COL23A1: variants seen among roughly 807,000 people sequenced by gnomAD.
COL23A1 encodes the protein collagen alpha-1(XXIII) chain.
In COL23A1, 97 loss-of-function variants were observed where a neutral mutation model predicts 99.3. That is an observed-to-expected ratio of 0.98 (90% CI 0.83 to 1.16). COL23A1 has a LOEUF of 1.16. Among genes scored for constraint, COL23A1 ranks in the 50% most tolerant of loss-of-function variants. The probability of loss-of-function intolerance (pLI) is 0.00; values close to 1 mark genes in which losing one functional copy is unlikely to be tolerated. For synonymous variants in COL23A1, 320 were observed against 308.2 expected, an observed-to-expected ratio of 1.04 and a Z score of -0.40; for missense variants, 762 against 757.4, an observed-to-expected ratio of 1.01 and a Z score of -0.07.
chr5:178,297,129 C>T (rs565567582), intron 3 of COL23A1, among the ~76,000 whole-genome samples: 1 of 152,376 alleles, frequency 6.6e-6, no homozygotes, highest in South Asian at 2.1e-4. Flanking sequence ...CTCCCTTCAG[C>T]CTTAGACATT....
At chr5:178,513,597 C>T (rs1759336355) in intron 2 of COL23A1, among the ~76,000 whole-genome samples, 1 of 152,100 alleles carries the variant, frequency 6.6e-6, no homozygotes, top group African/African-American at 2.4e-5. Flanking sequence ...AAAGTCAGTT[C>T]CTGTGGGTGT....
chr5:178,314,839 C>T (rs192386691), intron 2 of COL23A1, among the ~76,000 whole-genome samples: 76 of 152,194 alleles, frequency 5.0e-4, no homozygotes, highest in Non-Finnish European at 6.8e-4. Flanking sequence ...CGCTGGTAGC[C>T]GGTAGAGTCA....
At chr5:178,349,756 G>A (rs1483434283) in intron 2 of COL23A1, among the ~76,000 whole-genome samples, 1 of 152,186 alleles carries the variant, frequency 6.6e-6, no homozygotes, top group Non-Finnish European at 1.5e-5. Flanking sequence ...CCCTCACCTG[G>A]GCCCCAGGCT....
chr5:178,582,255 A>AGCC lies in COL23A1; in HGVS notation c.294+7646_294+7648dup, dbSNP rs376462312. On this transcript the variant is annotated intron_variant, in intron 1 of 28. Transcript: ENST00000390654. The stretch of plus-strand genomic sequence containing the variant: ...AAAGGAAGGGAGAGAAGGATGGGCA[A>AGCC]GCCATTATGCCATTTCCCGACCTGA... Among the ~76,000 whole-genome samples the AGCC allele has an allele frequency of 6.4e-3, 967 of 150,794 alleles. 12 individuals carry two copies. Among genetic ancestry groups the AGCC allele is most frequent in the African/African-American group, 0.022 (902 of 40,828 alleles).
intron 2 of COL23A1, among the ~76,000 whole-genome samples, chr5:178,512,725 CAA>C (rs928527913): frequency 3.8e-4 from 58 of 152,260 alleles, no homozygotes; most frequent in African/African-American, 1.4e-3. Flanking sequence ...TCTGCAACTG[CAA>C]AAAGAGACAT....
At chr5:178,487,947 TAAGAA>T in intron 2 of COL23A1, among the ~76,000 whole-genome samples, 1 of 152,332 alleles carries the variant, frequency 6.6e-6, no homozygotes, top group East Asian at 1.9e-4. Flanking sequence ...GGCTGGGGGT[TAAGAA>T]CAAATAAGAC....
chr5:178,257,026 T>TGG, intron 13 of COL23A1, 98 bp from the exon 14 acceptor site: 1 of 1,048,230 alleles, frequency 9.5e-7, no homozygotes, highest in Non-Finnish European at 1.4e-6. Flanking sequence ...AGCCTCGCGA[T>TGG]TAGGCCTCCT....
In COL23A1 at chr5:178,255,055, A is replaced by AG. The variant is rs1765232140; in HGVS notation, c.883-30dup. ...AGGCAGGAAGAAGAGTAAGAATTTC[A>AG]GGGAAGAGCTACACTGAGTTGGAGG... On this transcript the variant is annotated intron_variant, in intron 15 of 28. Transcript: ENST00000390654. The surrounding 1 kb of genome is among the most constrained non-coding windows in gnomAD (Gnocchi z 4.2). The AG allele has an allele frequency of 6.3e-6, 10 of 1,581,802 alleles. No individual in the cohort carries two copies. The highest frequency in any genetic ancestry group is 6.1e-6 in the Non-Finnish European group (7 of 1,151,244).
intron 2 of COL23A1, among the ~76,000 whole-genome samples, chr5:178,314,635 G>A (rs573871708): frequency 1.3e-5 from 2 of 152,296 alleles, no homozygotes; most frequent in South Asian, 4.1e-4. Flanking sequence ...GCCTGCAACA[G>A]TGTTTAATAA....
At chr5:178,400,440 G>A (rs190992269) in intron 2 of COL23A1, among the ~76,000 whole-genome samples, 1 of 121,914 alleles carries the variant, frequency 8.2e-6, no homozygotes, top group South Asian at 3.0e-4. Context: ...TTTGTGTTTT[G>A]ACAATCGAGA....
intron 1 of COL23A1, among the ~76,000 whole-genome samples, chr5:178,565,834 C>T (rs573436593): frequency 3.0e-4 from 46 of 151,952 alleles, no homozygotes; most frequent in Non-Finnish European, 3.2e-4. Flanking sequence ...CTATCAGGGC[C>T]GGGCGCGGTG....
rs1761471451 is a variant in COL23A1 at position 178,544,462 on chromosome 5, C to T, written c.361+16220G>A. Among the ~76,000 whole-genome samples, 2 of 152,168 alleles carry T rather than the reference C, an allele frequency of 1.3e-5. No individual in the cohort carries two copies. Among genetic ancestry groups the T allele is most frequent in the Admixed American group, 1.3e-4 (2 of 15,286 alleles). ...CTGCCATGGCGGTGGGGAGCAGTCT[C>T]CCTCAGATGGGGTCCCCTGTTCTCT... On this transcript the variant is annotated intron_variant, in intron 2 of 28. Transcript: ENST00000390654. The surrounding 1 kb of genome is among the most constrained non-coding windows in gnomAD (Gnocchi z 4.4).
intron 2 of COL23A1, among the ~76,000 whole-genome samples, chr5:178,347,060 GGGTCT>G (rs1420426342): frequency 6.6e-6 from 1 of 152,168 alleles, no homozygotes. Context: ...AGGCCCAGCA[GGGTCT>G]GGTGGCCCTG....
chr5:178,328,668 G>A (rs952141079), intron 2 of COL23A1, among the ~76,000 whole-genome samples: 2 of 152,122 alleles, frequency 1.3e-5, no homozygotes, highest in Non-Finnish European at 2.9e-5. Context: ...GAAGTCTTTC[G>A]TTTAAGGGGG....
At position 178,249,027 on chromosome 5, in the gene COL23A1, G is replaced by A. The variant is rs372399544; in HGVS notation, c.1149+90C>T. On this transcript the variant is annotated intron_variant, in intron 19 of 28. Coordinates refer to ENST00000390654, the MANE Select transcript of COL23A1 (RefSeq NM_173465.4). ...AGACCGCAGGGGCTGTCAGGGTCAC[G>A]CCCTGGCCTCCCCACAGCACGGGGG... 85 of 1,335,046 alleles carry A rather than the reference G, an allele frequency of 6.4e-5. 1 individual carries two copies. Among genetic ancestry groups the A allele is most frequent in the South Asian group, 4.9e-4 (42 of 85,044 alleles). 82.7% of individuals were successfully genotyped at this position (1,335,046 alleles called of 1,614,324 possible). A position where few individuals can be genotyped will look rare whatever the true frequency, so the allele number is the denominator to read the frequency against.
At chr5:178,476,724 G>T (rs564753091) in intron 2 of COL23A1, among the ~76,000 whole-genome samples, 12 of 152,298 alleles carry the variant, frequency 7.9e-5, no homozygotes, top group African/African-American at 2.9e-4. Flanking sequence ...CAACATGGGC[G>T]GGGCCACTTT....
chr5:178,400,308 A>G (rs1328034769), intron 2 of COL23A1, among the ~76,000 whole-genome samples: 1 of 136,670 alleles, frequency 7.3e-6, no homozygotes, highest in Non-Finnish European at 1.5e-5. Flanking sequence ...CGGAGCTTGC[A>G]GTGAGCCGAG....
rs182409754 is a variant in COL23A1 at position 178,401,876 on chromosome 5, C to T, written c.362-94957G>A. 6.5e-3 allele frequency among the ~76,000 whole-genome samples: 982 copies of T among 152,088 alleles called. 7 individuals carry two copies. The highest frequency in any genetic ancestry group is 0.023 in the African/African-American group (940 of 41,496). ...TGTTGCCCAGGCTGGAGTGCAATGG[C>T]GCAATCTCGGCTCACTGCAACCTCC... On this transcript the variant is annotated intron_variant, in intron 2 of 28. Transcript: ENST00000390654.
intron 2 of COL23A1, among the ~76,000 whole-genome samples, chr5:178,449,786 G>C (rs1767381233): frequency 6.6e-6 from 1 of 151,872 alleles, no homozygotes; most frequent in African/African-American, 2.4e-5. Context: ...GCACCCTTTT[G>C]CAGAGCTCTA....
Sources: gnomAD v4.1 joint callset for allele counts (sites outside exome capture counted in the v4.1 genomes callset) on GRCh38, gnomAD v4.1.1 for gene constraint, Gnocchi (gnomAD v3.1) non-coding constraint, MANE v1.5 for transcripts, NCBI Gene and HGNC (gene_info 2026-07-23, HGNC 2026-07-21) for gene names.